The following RELB variants were observed in gnomAD, a reference collection of about 807,000 sequenced individuals.
The protein encoded by RELB is RELB proto-oncogene, NF-kB subunit, also known as transcription factor RelB.
A neutral mutation model predicts 55.4 loss-of-function variants in RELB; 14 were observed. The ratio of observed to expected loss-of-function variants is 0.25; its 90% CI spans 0.17 to 0.40. The LOEUF is 0.40. Among genes scored for constraint, RELB ranks in the 10% least tolerant of loss-of-function variants. The probability of loss-of-function intolerance (pLI) is 1.00; values close to 1 mark genes in which losing one functional copy is unlikely to be tolerated. For missense variants in RELB, 669 were observed against 830.7 expected (o/e 0.81, Z 2.39); for synonymous variants, 409 against 371.3 (o/e 1.10, Z -1.17).
chr19:45,001,761 G>A (rs1189901016), intron 1 of RELB, 76 bp downstream of exon 1: 2 of 961,850 alleles, frequency 2.1e-6, no homozygotes, highest in Non-Finnish European at 3.0e-6. Context: ...TCCCGGAGTA[G>A]TCTGGGGGTT....
At position 45,011,756 on chromosome 19, in the gene RELB, C is replaced by CTGTGTGTGTGTG. The variant is rs199579874; in HGVS notation, c.164-149_164-138dup. ...GCCACCGCACCTGGCCTCCCTGACT[C>CTGTGTGTGTGTG]TGTGTGTGTGTGTGTGTGTGTGTGT... On this transcript the variant is annotated intron_variant, in intron 3 of 11. Transcript: ENST00000221452. Among the ~76,000 whole-genome samples, 141 of 59,892 alleles carry CTGTGTGTGTGTG rather than the reference C, an allele frequency of 2.4e-3. 6 individuals carry two copies. The highest frequency in any genetic ancestry group is 8.9e-3 in the Admixed American group (36 of 4,028). The allele number at this position is 59,892 out of a possible 152,430, so 39.3% of individuals were successfully genotyped here.
rs1348405666 is a variant in RELB, at chr19:45,001,586, C to G, written c.7C>G (p.Arg3Gly). The G allele has an allele frequency of 1.4e-6, 2 of 1,461,770 alleles. No homozygotes were observed. Among genetic ancestry groups the G allele is most frequent in the Middle Eastern group, 2.3e-4 (1 of 4,270 alleles). The allele number at this position is 1,461,770 out of a possible 1,614,324, so 90.5% of individuals were successfully genotyped here. Reference sequence around the variant, plus strand: ...GCCCGGCCGGCCCGCGTGCATGCTTCGGTCTGGGCCAGCCTCTGGGCCGTC... The same window carrying G: ...GCCCGGCCGGCCCGCGTGCATGCTTGGGTCTGGGCCAGCCTCTGGGCCGTC... The part of the protein sequence containing the change: ML[R>G]SGPASGPSVP... Residue 3 changes from arginine (R) to glycine (G), a missense_variant, in exon 1 of 12, where the codon CGG (arginine) becomes GGG (glycine). Coordinates refer to ENST00000221452, the MANE Select transcript of RELB (RefSeq NM_006509.4).
chr19:45,025,865 G>A (rs1423475264), intron 7 of RELB, 128 bp downstream of exon 7: 3 of 1,169,622 alleles, frequency 2.6e-6, no homozygotes, highest in East Asian at 2.5e-5. Flanking sequence ...TTGGGAGGTC[G>A]AGGTGGGAGG....
rs762701883 is a variant in RELB, at chr19:45,029,002, C to A, written c.991+10C>A. On this transcript the variant is annotated intron_variant, in intron 8 of 11. Coordinates refer to ENST00000221452, the MANE Select transcript of RELB (RefSeq NM_006509.4). ...GACAAGGTGCAGAAAGGTGAGGGGC[C>A]TGGGGCAGCAAGCTTGGGCAGAGCG... is the stretch of plus-strand genomic sequence containing the variant. 8.3e-6 allele frequency: 13 copies of A among 1,563,592 alleles called. No individual in the cohort carries two copies. In the East Asian group the frequency reaches 2.8e-4, roughly 34 times the overall value.
intron 4 of RELB, among the ~76,000 whole-genome samples, chr19:45,021,431 T>C (rs1321885397): frequency 8.4e-6 from 1 of 118,606 alleles, no homozygotes; most frequent in African/African-American, 3.4e-5. Context: ...GGATCCAGCC[T>C]GGGCGACAGA....
chr19:45,013,603 C>T (rs750241484), intron 4 of RELB, among the ~76,000 whole-genome samples: 2 of 151,990 alleles, frequency 1.3e-5, no homozygotes, highest in Admixed American at 6.6e-5. Context: ...GAGGCCGAGG[C>T]AGGCGGATCA....
rs750797799 is a variant in RELB at position 45,037,820 on chromosome 19, TGGGGAGGGA to T, written c.*33_*41del. 4.1e-6 allele frequency: 6 copies of T among 1,473,538 alleles called. No individual in the cohort carries two copies. The highest frequency in any genetic ancestry group is 5.4e-6 in the Non-Finnish European group (6 of 1,116,978). 91.3% of individuals were successfully genotyped at this position (1,473,538 alleles called of 1,614,324 possible). A position where few individuals can be genotyped will look rare whatever the true frequency, so the allele number is the denominator to read the frequency against. On this transcript the variant is annotated 3_prime_UTR_variant, in exon 12 of 12. Transcript: ENST00000221452. ...GCGATGCCAGAGGAGGGGCACTGGG[TGGGGAGGGA>T]GGTGGAGGAGCCGTGCAATCCCAAC... is the stretch of plus-strand genomic sequence containing the variant.
intron 8 of RELB, among the ~76,000 whole-genome samples, chr19:45,029,389 T>C (rs774786823): frequency 2.6e-5 from 4 of 152,010 alleles, no homozygotes; most frequent in Non-Finnish European, 5.9e-5. Flanking sequence ...TCATCTCTGT[T>C]CAAATGGCCC....
At chr19:45,014,380 A>T (rs1006417213) in intron 4 of RELB, among the ~76,000 whole-genome samples, 1 of 151,968 alleles carries the variant, frequency 6.6e-6, no homozygotes, top group Non-Finnish European at 1.5e-5. Context: ...CATGTTGTCC[A>T]GGCTGGTCTT....
chr19:45,033,284 C>G (rs1971647169), intron 9 of RELB, among the ~76,000 whole-genome samples: 1 of 152,110 alleles, frequency 6.6e-6, no homozygotes. Flanking sequence ...GGGAAGTTTT[C>G]TAGGGAAATA....
chr19:45,020,847 G>A (rs1286583197), intron 4 of RELB, among the ~76,000 whole-genome samples: 13 of 151,860 alleles, frequency 8.6e-5, no homozygotes, highest in Admixed American at 5.3e-4. Context: ...GTGAGCCACC[G>A]CACCCGGCCA....
intron 5 of RELB, among the ~76,000 whole-genome samples, chr19:45,024,843 T>A (rs1398359022): frequency 6.6e-6 from 1 of 150,782 alleles, no homozygotes; most frequent in Non-Finnish European, 1.5e-5. Flanking sequence ...AGCCACCACG[T>A]CTGGCCAAAA....
At chr19:45,018,677 T>A (rs1168985665) in intron 4 of RELB, among the ~76,000 whole-genome samples, 2 of 151,828 alleles carry the variant, frequency 1.3e-5, no homozygotes, top group Non-Finnish European at 1.5e-5. Flanking sequence ...TTTATTTATT[T>A]TTTTTTAATT....
intron 1 of RELB, 79 bp downstream of exon 1, chr19:45,001,764 T>TG (rs2122371822): frequency 1.1e-6 from 1 of 927,450 alleles, no homozygotes; most frequent in African/African-American, 1.7e-5. Context: ...CGGAGTAGTC[T>TG]GGGGGTTCCT....
At chr19:45,025,491 C>A in intron 6 of RELB, 71 bp downstream of exon 6, 3 of 1,557,220 alleles carry the variant, frequency 1.9e-6, no homozygotes, top group Non-Finnish European at 2.6e-6. Context: ...CACCCTGGTC[C>A]CCTCACCACT....
chr19:45,013,947 T>G (rs1971391704), intron 4 of RELB, among the ~76,000 whole-genome samples: 1 of 152,198 alleles, frequency 6.6e-6, no homozygotes, highest in African/African-American at 2.4e-5. Flanking sequence ...AGTGATGCTG[T>G]GGCCTTCTCA....
At chr19:45,027,496 A>T (rs188388633) in intron 7 of RELB, among the ~76,000 whole-genome samples, 1 of 152,104 alleles carries the variant, frequency 6.6e-6, no homozygotes, top group East Asian at 1.9e-4. Context: ...AGCTTCTCTT[A>T]CCTAATAGCT....
intron 4 of RELB, 114 bp downstream of exon 4, chr19:45,012,390 AC>A: frequency 3.2e-6 from 2 of 630,108 alleles, no homozygotes; most frequent in Non-Finnish European, 4.7e-6. Flanking sequence ...TTATTGTTGG[AC>A]CAGATATTAA....
chr19:45,014,528 T>TG (rs113433063), intron 4 of RELB, among the ~76,000 whole-genome samples: 9 of 17,962 alleles, frequency 5.0e-4, no homozygotes, highest in Admixed American at 1.7e-3. Context: ...TGTTTTTTGG[T>TG]TTTTTTTTTG....
Sources: gnomAD v4.1 joint callset for allele counts (sites outside exome capture counted in the v4.1 genomes callset) on GRCh38, gnomAD v4.1.1 for gene constraint, MANE v1.5 for transcripts, NCBI Gene and HGNC (gene_info 2026-07-23, HGNC 2026-07-21) for gene names.